Variants in CNNM1 observed in about 807,000 individuals in gnomAD.
The protein encoded by CNNM1 is metal transporter CNNM1.
Under a neutral mutation model 78.8 loss-of-function variants are expected in CNNM1, and 44 were observed. The observed-to-expected ratio is 0.56, with a 90% CI of 0.44 to 0.72. The LOEUF (loss-of-function observed/expected upper bound fraction) is 0.72, where lower values mean the gene tolerates loss of function less well. Among genes scored for constraint, CNNM1 ranks in the 30% least tolerant of loss-of-function variants. The pLI is 0.00. For synonymous variants in CNNM1, 584 were observed against 581.5 expected, an observed-to-expected ratio of 1.00 and a Z score of -0.06; for missense variants, 1,101 against 1,292.2, an observed-to-expected ratio of 0.85 and a Z score of 2.27.
rs1045666486 is a variant in CNNM1 at position 99,360,960 on chromosome 10, C to T, written c.1843C>T (p.Arg615Cys). The T allele has an allele frequency of 6.8e-6, 11 of 1,608,512 alleles. No individual in the cohort carries two copies. The highest frequency in any genetic ancestry group is 1.3e-5 in the African/African-American group (1 of 74,780). Residue 615 changes from arginine (R) to cysteine (C), a missense_variant, in exon 3 of 11, where the codon CGC (arginine) becomes TGC (cysteine). Physicochemically the swap from Arg to Cys is radical, Grantham distance 180. This residue lies in a region of CNNM1 where 277 missense variants were observed against 423.2 expected (regional missense o/e 0.65). Coordinates refer to ENST00000356713, the MANE Select transcript of CNNM1 (RefSeq NM_020348.3). ...ACCACAGCTTCTGCTAGCCACACAC[C>T]GCTTCATGGCCACAGGTAGGACAAG... ...ISPQLLLATHRFMATEVEPFK... is the reference protein window; with the variant it reads ...ISPQLLLATHCFMATEVEPFK...
At chr10:99,388,377 T>C in intron 9 of CNNM1, 76 bp downstream of exon 9, 3 of 1,522,196 alleles carry the variant, frequency 2.0e-6, no homozygotes, top group Non-Finnish European at 2.7e-6. Context: ...CAGGGAAAGC[T>C]GGCTGAGGGG....
At chr10:99,379,341 G>A (rs1437856665) in intron 7 of CNNM1, among the ~76,000 whole-genome samples, 2 of 152,214 alleles carry the variant, frequency 1.3e-5, no homozygotes, top group Non-Finnish European at 2.9e-5. Context: ...TAAGGGCTGT[G>A]AAGGAAATAA....
intron 1 of CNNM1, among the ~76,000 whole-genome samples, chr10:99,355,262 CT>C (rs1296223926): frequency 9.0e-6 from 1 of 111,126 alleles, no homozygotes; most frequent in Non-Finnish European, 1.7e-5. Flanking sequence ...ACATCACACA[CT>C]GGGGCCTGTT....
chr10:99,348,038 G>GTGTGTGTGTA (rs5787335), intron 1 of CNNM1, among the ~76,000 whole-genome samples: 1 of 116,572 alleles, frequency 8.6e-6, no homozygotes, highest in Non-Finnish European at 1.6e-5. Flanking sequence ...GTGTGTGTGT[G>GTGTGTGTGTA]TATATATATA....
chr10:99,347,190 A>G (rs2030731482), intron 1 of CNNM1, among the ~76,000 whole-genome samples: 1 of 145,414 alleles, frequency 6.9e-6, no homozygotes. Context: ...AATAAAAGTT[A>G]AAAGAAAAAA....
chr10:99,343,368 C>T (rs2030541472), intron 1 of CNNM1, among the ~76,000 whole-genome samples: 1 of 152,100 alleles, frequency 6.6e-6, no homozygotes, highest in Admixed American at 6.6e-5. Context: ...TATTTATTGG[C>T]AAATGTTTTT....
chr10:99,338,269 G>A (rs527642869), intron 1 of CNNM1, among the ~76,000 whole-genome samples: 1 of 151,662 alleles, frequency 6.6e-6, no homozygotes, highest in East Asian at 1.9e-4. Context: ...GGAACATGGA[G>A]GATACAATAA....
At chr10:99,360,738 G>A in intron 2 of CNNM1, 97 bp from the exon 3 acceptor site, 2 of 1,458,620 alleles carry the variant, frequency 1.4e-6, no homozygotes, top group Non-Finnish European at 1.8e-6. Context: ...AGTTGACACT[G>A]CAGAAATGTT....
chr10:99,335,188 G>A (rs1053851987), intron 1 of CNNM1, among the ~76,000 whole-genome samples: 3 of 152,154 alleles, frequency 2.0e-5, no homozygotes, highest in Non-Finnish European at 2.9e-5. Flanking sequence ...CATGCATATT[G>A]CACTTGATAA....
chr10:99,365,175 T>C (rs770401921), intron 6 of CNNM1, 173 bp downstream of exon 6: 2 of 712,750 alleles, frequency 2.8e-6, no homozygotes, highest in Non-Finnish European at 5.1e-6. Flanking sequence ...CCACAGACCA[T>C]GGGAGCTTAG....
At chr10:99,348,968 G>T (rs1589892834) in intron 1 of CNNM1, among the ~76,000 whole-genome samples, 1 of 152,170 alleles carries the variant, frequency 6.6e-6, no homozygotes, top group Admixed American at 6.5e-5. Context: ...TACTCAGGAG[G>T]CTGAGGTGGG....
Position 99,333,499 on chromosome 10 carries a change from C to T in CNNM1, c.1573+2539C>T, listed in dbSNP as rs150254042. Reference sequence around the variant, plus strand: ...AGCTGTGATTACAGGAGTGCACCAACACGCCTGGCTAATTTTTGTATTTTT... The same window carrying T: ...AGCTGTGATTACAGGAGTGCACCAATACGCCTGGCTAATTTTTGTATTTTT... On this transcript the variant is annotated intron_variant, in intron 1 of 10. Coordinates refer to ENST00000356713, the MANE Select transcript of CNNM1 (RefSeq NM_020348.3). Among the ~76,000 whole-genome samples, 1,174 of 152,280 alleles carry T rather than the reference C, an allele frequency of 7.7e-3. 11 individuals carry two copies. Among genetic ancestry groups the T allele is most frequent in the Middle Eastern group, 0.027 (8 of 294 alleles).
chr10:99,362,110 C>G (rs1589904785), intron 3 of CNNM1, 117 bp from the exon 4 acceptor site: 3 of 927,854 alleles, frequency 3.2e-6, no homozygotes, highest in East Asian at 5.7e-5. Flanking sequence ...ACCTGATGCC[C>G]AGGTACAGGC....
chr10:99,360,970 C>T lies in CNNM1; in HGVS notation c.1853C>T (p.Ala618Val), dbSNP rs1258982711. ...QLLLATHRFM[A>V]TEVEPFKSLY... ...CTGCTAGCCACACACCGCTTCATGG[C>T]CACAGGTAGGACAAGTCTCCACTCC... The change falls in exon 3 of 11, where the codon GCC becomes GTC. Residue 618 changes from alanine (A) to valine (V), a missense_variant. Coordinates refer to ENST00000356713, the MANE Select transcript of CNNM1 (RefSeq NM_020348.3). The T allele has an allele frequency of 1.2e-6, 2 of 1,605,698 alleles. No homozygotes were observed. The highest frequency in any genetic ancestry group is 2.7e-5 in the African/African-American group (2 of 74,704).
intron 7 of CNNM1, 103 bp downstream of exon 7, chr10:99,377,321 C>A: frequency 9.0e-7 from 1 of 1,116,186 alleles, no homozygotes; most frequent in Non-Finnish European, 1.3e-6. Flanking sequence ...ATGTGTGCAC[C>A]ATTCCCCTGT....
intron 6 of CNNM1, among the ~76,000 whole-genome samples, chr10:99,372,449 C>G (rs1000909762): frequency 6.6e-6 from 1 of 152,170 alleles, no homozygotes; most frequent in Non-Finnish European, 1.5e-5. Flanking sequence ...GTTGCTTGGC[C>G]TGCTGCCTGC....
At chr10:99,356,605 A>AAAGAAAGAAAGAAAGAAAGAAAAG (rs1491432735) in intron 1 of CNNM1, among the ~76,000 whole-genome samples, 1 of 56,324 alleles carries the variant, frequency 1.8e-5, no homozygotes. Context: ...AGAAAGAAAG[A>AAAGAAAGAAAGAAAGAAAGAAAAG]AAAGAAAGAA....
At chr10:99,369,274 G>A (rs1015391320) in intron 6 of CNNM1, among the ~76,000 whole-genome samples, 4 of 152,212 alleles carry the variant, frequency 2.6e-5, no homozygotes, top group Admixed American at 1.3e-4. Context: ...TGAGTAGAAT[G>A]CCACAAATCT....
chr10:99,389,416 C>CAA (rs56180037), intron 9 of CNNM1, among the ~76,000 whole-genome samples: 257 of 83,746 alleles, frequency 3.1e-3, no homozygotes, highest in Middle Eastern at 6.7e-3. Flanking sequence ...GATTCCATCT[C>CAA]AAAAAAAAAA....
Sources: allele counts gnomAD v4.1 joint callset (sites outside exome capture counted in the v4.1 genomes callset), GRCh38; gene constraint gnomAD v4.1.1; regional missense constraint gnomAD v4.1.1; transcripts MANE v1.5; gene names NCBI Gene and HGNC (gene_info 2026-07-23, HGNC 2026-07-21).